The following CIT variants were observed in gnomAD, a reference collection of about 807,000 sequenced individuals.
CIT encodes the protein citron rho-interacting serine/threonine kinase, also known as citron Rho-interacting kinase.
In CIT, 79 loss-of-function variants were observed where a neutral mutation model predicts 272.7. That is an observed-to-expected ratio of 0.29 (90% confidence interval 0.24 to 0.35). The LOEUF is 0.35. CIT is among the 10% of genes least tolerant of loss of function. CIT has a pLI of 1.00. For missense variants in CIT, 1,909 were observed against 2,618.3 expected, an observed-to-expected ratio of 0.73 and a Z score of 5.91; for synonymous variants, 948 against 995.6, an observed-to-expected ratio of 0.95 and a Z score of 0.90.
chr12:119,793,004 A>G (rs1965449167), intron 10 of CIT, among the ~76,000 whole-genome samples: 1 of 152,188 alleles, frequency 6.6e-6, no homozygotes, highest in Admixed American at 6.5e-5. Flanking sequence ...GGTGCCCATC[A>G]GGAACACCTG....
At chr12:119,854,245 C>G (rs1970424920) in intron 4 of CIT, among the ~76,000 whole-genome samples, 1 of 151,098 alleles carries the variant, frequency 6.6e-6, no homozygotes, top group Non-Finnish European at 1.5e-5. Flanking sequence ...TCAGGCTGGT[C>G]TCAAACTCCC....
At chr12:119,856,362 C>A (rs926554413) in intron 4 of CIT, among the ~76,000 whole-genome samples, 2 of 152,138 alleles carry the variant, frequency 1.3e-5, no homozygotes, top group Non-Finnish European at 2.9e-5. Flanking sequence ...TGTACAACAT[C>A]ATGAATGCAC....
At chr12:119,857,030 T>C (rs1950191963) in intron 4 of CIT, among the ~76,000 whole-genome samples, 1 of 151,886 alleles carries the variant, frequency 6.6e-6, no homozygotes. Context: ...GAAAGAAAAA[T>C]ACCACAACAA....
rs543047397 is a variant in CIT at position 119,701,726 on chromosome 12, A to G, written c.5440T>C (p.Leu1814=). The G allele has an allele frequency of 6.2e-7, 1 of 1,614,268 alleles. No homozygotes were observed. The highest frequency in any genetic ancestry group is 1.3e-5 in the African/African-American group (1 of 75,078). Residue 1814 remains leucine, a synonymous_variant, in exon 43 of 48, where the codon TTG becomes CTG. Transcript: ENST00000392521. ...EEFLDKNDHS[L]APAVFAASSN... ...GAGGCGGCAAACACAGCAGGTGCCAAGGAATGGTCATTCTTATCCAGGAAT... is the reference window on the plus strand; with the variant it reads ...GAGGCGGCAAACACAGCAGGTGCCAGGGAATGGTCATTCTTATCCAGGAAT...
intron 5 of CIT, among the ~76,000 whole-genome samples, chr12:119,845,678 G>A (rs1969750327): frequency 6.9e-6 from 1 of 144,168 alleles, no homozygotes; most frequent in Admixed American, 7.0e-5. Flanking sequence ...AAAGCCAGGC[G>A]TGGTGGCTCA....
Position 119,690,129 on chromosome 12 carries a change from A to T in CIT, c.6186+22T>A. On this transcript the variant is annotated intron_variant, in intron 47 of 47. Coordinates refer to ENST00000392521, the MANE Select transcript of CIT (RefSeq NM_001206999.2). The surrounding 1 kb of genome is among the most constrained non-coding windows in gnomAD (Gnocchi z 6.0). ...CTCCTGGCCTCCGCAACAGACACAC[A>T]GGCCTCGGAATGCTGCCTCACCTTG... 4.1e-6 allele frequency: 6 copies of T among 1,448,144 alleles called. No homozygotes were observed. Among genetic ancestry groups the T allele is most frequent in the Non-Finnish European group, 5.4e-6 (6 of 1,108,522 alleles). The allele number at this position is 1,448,144 out of a possible 1,614,324, so 89.7% of individuals were successfully genotyped here.
chr12:119,690,365 T>A lies in CIT; in HGVS notation c.5972A>T (p.His1991Leu). 6.3e-7 allele frequency: 1 copy of A among 1,598,036 alleles called. No individual in the cohort carries two copies. The highest frequency in any genetic ancestry group is 8.5e-7 in the Non-Finnish European group (1 of 1,178,288). ...GTGGGGTGTGCTTGGCTCTCGCGGG[T>A]GGCTGGGGCCTTCGGGCGGCGCTGG... is the stretch of plus-strand genomic sequence containing the variant. ...SSPAPPEGPS[H>L]PREPSTPHRY... Residue 1991 changes from histidine (H) to leucine (L), a missense_variant, in exon 47 of 48, where the codon CAC becomes CTC. Coordinates refer to ENST00000392521, the MANE Select transcript of CIT (RefSeq NM_001206999.2). The surrounding 1 kb of genome is among the most constrained non-coding windows in gnomAD (Gnocchi z 6.0).
chr12:119,760,571 G>A (rs1005075332), intron 20 of CIT, among the ~76,000 whole-genome samples: 4 of 151,474 alleles, frequency 2.6e-5, no homozygotes, highest in African/African-American at 9.7e-5. Context: ...AGGCTGCAGT[G>A]AGCCATGATT....
At chr12:119,698,869 G>A (rs1265846155) in intron 44 of CIT, among the ~76,000 whole-genome samples, 1 of 152,224 alleles carries the variant, frequency 6.6e-6, no homozygotes, top group Non-Finnish European at 1.5e-5. Context: ...TAGCGATGGA[G>A]AATTTGGGAG....
At chr12:119,876,695 G>A (rs1002316165) in intron 1 of CIT, among the ~76,000 whole-genome samples, 1 of 152,138 alleles carries the variant, frequency 6.6e-6, no homozygotes, top group African/African-American at 2.4e-5. Flanking sequence ...TGAAGCGAAT[G>A]ACCAGCAAGC....
At position 119,697,811 on chromosome 12, in the gene CIT, G is replaced by A. The variant is rs1204187421; in HGVS notation, c.5730C>T (p.Ile1910=). 1 of 1,614,158 alleles carries A rather than the reference G, an allele frequency of 6.2e-7. No individual in the cohort carries two copies. The highest frequency in any genetic ancestry group is 1.1e-5 in the South Asian group (1 of 91,090). ...CAGGGCCCAGGTAGCGCGGGTTCGGGATGTCCAGGTACGCTCGGGCAGGGG... is the reference window on the plus strand; with the variant it reads ...CAGGGCCCAGGTAGCGCGGGTTCGGAATGTCCAGGTACGCTCGGGCAGGGG... ...AGTPARAYLD[I]PNPRYLGPAI... Residue 1910 remains isoleucine (I), a synonymous_variant, in exon 46 of 48, where the codon ATC becomes ATT. Transcript: ENST00000392521. This position sits in a 1 kb window ranked among gnomAD's most constrained non-coding sequence, Gnocchi z 4.9.
At chr12:119,782,726 A>G (rs768729458) in intron 12 of CIT, 89 bp from the exon 13 acceptor site, 21 of 1,526,482 alleles carry the variant, frequency 1.4e-5, no homozygotes, top group Non-Finnish European at 1.9e-5. Flanking sequence ...GCTGCTTCGC[A>G]GACACCAGGA....
At chr12:119,813,010 C>T (rs1281911755) in intron 9 of CIT, among the ~76,000 whole-genome samples, 1 of 152,188 alleles carries the variant, frequency 6.6e-6, no homozygotes, top group Non-Finnish European at 1.5e-5. Flanking sequence ...CACTCTTGTC[C>T]CCCTTATTTC....
rs865867094 is a variant in CIT, at chr12:119,770,395, C to T, written c.2208+390G>A. Among the ~76,000 whole-genome samples the T allele has an allele frequency of 7.2e-5, 11 of 152,212 alleles. No homozygotes were observed. Among genetic ancestry groups the T allele is most frequent in the Admixed American group, 3.9e-4 (6 of 15,294 alleles). On this transcript the variant is annotated intron_variant, in intron 18 of 47. Coordinates refer to ENST00000392521, the MANE Select transcript of CIT (RefSeq NM_001206999.2). This position sits in a 1 kb window ranked among gnomAD's most constrained non-coding sequence, Gnocchi z 4.4. ...TCTCTAAAAGCAAGAATCTGAATTT[C>T]GGTCTTAAAGGTCTAAACCCCTACA...
chr12:119,724,300 AT>A (rs1361000514), intron 28 of CIT, among the ~76,000 whole-genome samples: 1 of 152,230 alleles, frequency 6.6e-6, no homozygotes, highest in African/African-American at 2.4e-5. Flanking sequence ...AACATTAGTT[AT>A]TTTAATTATT....
At chr12:119,854,904 C>T (rs149247848) in intron 4 of CIT, among the ~76,000 whole-genome samples, 1 of 151,950 alleles carries the variant, frequency 6.6e-6, no homozygotes, top group African/African-American at 2.4e-5. Context: ...GAGCCGAGAT[C>T]GTGCCACTGC....
chr12:119,730,385 T>C (rs752653108), intron 27 of CIT, 110 bp downstream of exon 27: 23 of 1,294,556 alleles, frequency 1.8e-5, no homozygotes, highest in Non-Finnish European at 2.4e-5. Flanking sequence ...CATGAACATA[T>C]GTTTATGAAA....
At position 119,821,210 on chromosome 12, in the gene CIT, G is replaced by A. The variant is rs558267361; in HGVS notation, c.1111+1610C>T. Among the ~76,000 whole-genome samples, 123 of 151,400 alleles carry A rather than the reference G, an allele frequency of 8.1e-4. 3 individuals are homozygous for A. Among genetic ancestry groups the A allele is most frequent in the African/African-American group, 2.6e-3 (107 of 41,216 alleles). ...CTTGGGAGGCTGAGGCAGGAGAATCGCTTGAACCCAAGAGGCGGAGGTTGC... is the reference window on the plus strand; with the variant it reads ...CTTGGGAGGCTGAGGCAGGAGAATCACTTGAACCCAAGAGGCGGAGGTTGC... On this transcript the variant is annotated intron_variant, in intron 9 of 47. Transcript: ENST00000392521.
intron 19 of CIT, among the ~76,000 whole-genome samples, chr12:119,766,273 T>C (rs989754808): frequency 6.6e-6 from 1 of 152,042 alleles, no homozygotes; most frequent in Non-Finnish European, 1.5e-5. Flanking sequence ...GTGGTACAGA[T>C]ACAACAATGG....
Sources: gnomAD v4.1 joint callset for allele counts (sites outside exome capture counted in the v4.1 genomes callset) on GRCh38, gnomAD v4.1.1 for gene constraint, Gnocchi (gnomAD v3.1) non-coding constraint, MANE v1.5 for transcripts, NCBI Gene and HGNC (gene_info 2026-07-23, HGNC 2026-07-21) for gene names.